The following OSBPL10 variants were observed in gnomAD, a reference collection of about 807,000 sequenced individuals.
The protein encoded by OSBPL10 is oxysterol binding protein like 10.
A neutral mutation model predicts 81.7 loss-of-function variants in OSBPL10; 49 were observed. That is an observed-to-expected ratio of 0.60 (90% confidence interval 0.48 to 0.76). The LOEUF (loss-of-function observed/expected upper bound fraction) is 0.76, where lower values mean the gene tolerates loss of function less well. Among genes scored for constraint, OSBPL10 ranks in the 30% least tolerant of loss-of-function variants. OSBPL10 has a pLI of 0.00. For missense variants in OSBPL10, 923 were observed against 987.8 expected, an observed-to-expected ratio of 0.93 and a Z score of 0.88; for synonymous variants, 419 against 383.6, an observed-to-expected ratio of 1.09 and a Z score of -1.08.
intron 4 of OSBPL10, among the ~76,000 whole-genome samples, chr3:31,829,757 T>C (rs186831238): frequency 4.6e-5 from 7 of 152,372 alleles, no homozygotes; most frequent in Admixed American, 4.6e-4. Context: ...GCTATGAGCG[T>C]GGATTTAACT....
chr3:31,947,086 A>G (rs1697724324), intron 1 of OSBPL10, among the ~76,000 whole-genome samples: 1 of 152,218 alleles, frequency 6.6e-6, no homozygotes, highest in Admixed American at 6.5e-5. Flanking sequence ...GTTAGATACT[A>G]GAGAACGAGA....
intron 4 of OSBPL10, among the ~76,000 whole-genome samples, chr3:31,809,860 C>T (rs1027706220): frequency 7.4e-6 from 1 of 136,054 alleles, no homozygotes; most frequent in Non-Finnish European, 1.5e-5. Flanking sequence ...CAATGGGTGC[C>T]CCCTGACTCT....
At chr3:31,939,680 G>C (rs1298447584) in intron 1 of OSBPL10, among the ~76,000 whole-genome samples, 1 of 152,014 alleles carries the variant, frequency 6.6e-6, no homozygotes, top group Non-Finnish European at 1.5e-5. Flanking sequence ...CACTTGACCT[G>C]GCTTCTCTGG....
At chr3:31,926,291 C>CCCCCCCG (rs962870716) in intron 1 of OSBPL10, among the ~76,000 whole-genome samples, 17 of 142,672 alleles carry the variant, frequency 1.2e-4, no homozygotes, top group South Asian at 2.4e-4. Flanking sequence ...GTGATTTTGC[C>CCCCCCCG]CCCCCAGAGG....
chr3:31,928,695 A>G (rs1418543005), intron 1 of OSBPL10, among the ~76,000 whole-genome samples: 1 of 146,984 alleles, frequency 6.8e-6, no homozygotes, highest in Non-Finnish European at 1.5e-5. Flanking sequence ...CAGGAGAATC[A>G]TTTGAACCTG....
intron 1 of OSBPL10, among the ~76,000 whole-genome samples, chr3:31,884,526 T>C (rs927965347): frequency 6.6e-6 from 1 of 152,238 alleles, no homozygotes; most frequent in Non-Finnish European, 1.5e-5. Flanking sequence ...CCATATAGCA[T>C]TAAGAATTCC....
intron 1 of OSBPL10, among the ~76,000 whole-genome samples, chr3:31,903,950 G>A (rs4334676): frequency 0.22 from 33,376 of 151,998 alleles, 4,268 homozygotes; most frequent in Admixed American, 0.29. Context: ...GTGAACACAG[G>A]TTTCCAGGAA....
chr3:32,030,399 C>A (rs1699456720), intron 2 of OSBPL10: 1 of 630,886 alleles, frequency 1.6e-6, no homozygotes, highest in South Asian at 1.5e-5. Context: ...ACAATGTGAC[C>A]CAGCATGCTG....
At chr3:31,930,395 G>A (rs1046187085) in intron 1 of OSBPL10, among the ~76,000 whole-genome samples, 3 of 152,092 alleles carry the variant, frequency 2.0e-5, no homozygotes, top group African/African-American at 7.2e-5. Flanking sequence ...TTTATAAGGG[G>A]CAATTAGGCA....
intron 7 of OSBPL10, among the ~76,000 whole-genome samples, chr3:31,690,107 T>A (rs898116004): frequency 3.3e-5 from 5 of 152,044 alleles, no homozygotes; most frequent in Non-Finnish European, 5.9e-5. Context: ...TGGATTTGTG[T>A]CCCCACCCAA....
intron 6 of OSBPL10, among the ~76,000 whole-genome samples, chr3:31,721,095 G>A (rs775524009): frequency 1.3e-5 from 2 of 152,098 alleles, no homozygotes; most frequent in Non-Finnish European, 2.9e-5. Flanking sequence ...GGAAGTCAGA[G>A]GGAGATGGGA....
At chr3:31,754,052 T>G (rs1697805016) in intron 4 of OSBPL10, among the ~76,000 whole-genome samples, 1 of 152,198 alleles carries the variant, frequency 6.6e-6, no homozygotes, top group African/African-American at 2.4e-5. Flanking sequence ...TTTTGTCTTC[T>G]CTCAATGAGC....
chr3:32,073,315 C>A (rs1018373526), intron 1 of OSBPL10, among the ~76,000 whole-genome samples: 6 of 152,100 alleles, frequency 3.9e-5, no homozygotes, highest in Admixed American at 2.6e-4. Flanking sequence ...TATGAAGACA[C>A]CCTAGCTGGA....
intron 1 of OSBPL10, among the ~76,000 whole-genome samples, chr3:31,909,813 T>G (rs901667698): frequency 6.6e-5 from 10 of 152,106 alleles, no homozygotes; most frequent in Non-Finnish European, 1.5e-4. Flanking sequence ...TGGCCCCCAC[T>G]CTGAGTAGCA....
intron 2 of OSBPL10, among the ~76,000 whole-genome samples, chr3:32,041,990 T>C (rs750102): frequency 0.12 from 17,814 of 152,152 alleles, 1,036 homozygotes; most frequent in Non-Finnish European, 0.13. Flanking sequence ...GAAAATACCA[T>C]GCAGCTTCCA....
chr3:31,850,238 G>A (rs568030393), intron 3 of OSBPL10, among the ~76,000 whole-genome samples: 28 of 152,224 alleles, frequency 1.8e-4, no homozygotes, highest in African/African-American at 6.7e-4. Flanking sequence ...GGAGACTGAG[G>A]CAGAAGGATC....
chr3:31,892,153 G>A (rs947231971), intron 1 of OSBPL10, among the ~76,000 whole-genome samples: 15 of 151,854 alleles, frequency 9.9e-5, no homozygotes, highest in African/African-American at 3.1e-4. Context: ...AAATGGACTC[G>A]GGGAAGAGGA....
chr3:31,952,939 T>TC (rs1310538610), intron 1 of OSBPL10, among the ~76,000 whole-genome samples: 1 of 149,178 alleles, frequency 6.7e-6, no homozygotes, highest in Non-Finnish European at 1.5e-5. Context: ...CTTTTTTTTT[T>TC]TTTTTTTTTT....
intron 2 of OSBPL10, 25 bp from the exon 3 acceptor site, chr3:31,876,537 AAAT>A (rs752580816): frequency 6.3e-7 from 1 of 1,578,294 alleles, no homozygotes; most frequent in South Asian, 1.1e-5. Flanking sequence ...ACAGAGAAAG[AAAT>A]GATTGCAGAG....
Sources: gnomAD v4.1 joint callset for allele counts (sites outside exome capture counted in the v4.1 genomes callset) on GRCh38, gnomAD v4.1.1 for gene constraint, MANE v1.5 for transcripts, NCBI Gene and HGNC (gene_info 2026-07-23, HGNC 2026-07-21) for gene names.